The following ST6GAL1 variants were observed in gnomAD, a reference collection of about 807,000 sequenced individuals.
ST6GAL1 encodes beta-galactoside alpha-2,6-sialyltransferase 1.
In ST6GAL1, 20 loss-of-function variants were observed where a neutral mutation model predicts 38.0. The observed-to-expected ratio is 0.53, with a 90% CI of 0.37 to 0.77. The LOEUF (loss-of-function observed/expected upper bound fraction) is 0.77. Ranked by LOEUF, ST6GAL1 falls within the 30% of genes least tolerant of loss-of-function variation. ST6GAL1 has a pLI of 0.00. For missense variants in ST6GAL1, 432 were observed against 496.4 expected, an observed-to-expected ratio of 0.87 and a Z score of 1.23; for synonymous variants, 196 against 188.2, an observed-to-expected ratio of 1.04 and a Z score of -0.34.
intron 2 of ST6GAL1, among the ~76,000 whole-genome samples, chr3:187,037,532 C>T (rs1437290390): frequency 6.6e-6 from 1 of 152,084 alleles, no homozygotes; most frequent in Non-Finnish European, 1.5e-5. Context: ...TTTCCTACAT[C>T]GCATCAAAAG....
chr3:187,042,238 T>A (rs1377756745), intron 3 of ST6GAL1, among the ~76,000 whole-genome samples: 1 of 151,854 alleles, frequency 6.6e-6, no homozygotes, highest in Non-Finnish European at 1.5e-5. Context: ...CAAGCATGCA[T>A]GGCTTCATTT....
At chr3:187,050,447 A>G (rs1718468547) in intron 4 of ST6GAL1, among the ~76,000 whole-genome samples, 1 of 152,178 alleles carries the variant, frequency 6.6e-6, no homozygotes, top group Non-Finnish European at 1.5e-5. Flanking sequence ...ACAAGGAGCT[A>G]GCCCAGGAAG....
intron 2 of ST6GAL1, among the ~76,000 whole-genome samples, chr3:186,998,448 TAGTA>T (rs1457076247): frequency 6.6e-6 from 1 of 152,178 alleles, no homozygotes; most frequent in Non-Finnish European, 1.5e-5. Flanking sequence ...ATTTATTATT[TAGTA>T]AGTGGAAGTG....
intron 2 of ST6GAL1, among the ~76,000 whole-genome samples, chr3:187,016,701 T>C (rs1717128053): frequency 6.6e-6 from 1 of 152,184 alleles, no homozygotes; most frequent in South Asian, 2.1e-4. Context: ...GAAGCAAATG[T>C]GAAAACCCCC....
chr3:187,043,365 T>G, intron 4 of ST6GAL1, 55 bp downstream of exon 4: 1 of 1,565,976 alleles, frequency 6.4e-7, no homozygotes, highest in Non-Finnish European at 8.6e-7. Context: ...TGGCTGGGCA[T>G]ATTGATGGTA....
chr3:186,950,692 A>T (rs532972742), intron 1 of ST6GAL1, among the ~76,000 whole-genome samples: 1 of 152,342 alleles, frequency 6.6e-6, no homozygotes, highest in East Asian at 1.9e-4. Flanking sequence ...CTGACCCTTT[A>T]TGCAGTGCTC....
chr3:187,069,019 G>T (rs552581437), intron 5 of ST6GAL1, among the ~76,000 whole-genome samples: 1 of 152,198 alleles, frequency 6.6e-6, no homozygotes, highest in South Asian at 2.1e-4. Flanking sequence ...AAGTTACAAC[G>T]TTCCCAGTGG....
In ST6GAL1 at chr3:187,043,196, T is replaced by C. The variant is rs747527436; in HGVS notation, c.493T>C (p.Trp165Arg). The change falls in exon 4 of 8, where the codon TGG (tryptophan) becomes CGG (arginine). Residue 165 changes from tryptophan to arginine, a missense_variant. Transcript: ENST00000169298. ...VTDFPFNTSE[W>R]EGYLPKESIR... Reference sequence around the variant, plus strand: ...AGATTTTCCCTTCAATACCTCTGAATGGGAGGGTTATCTGCCCAAGGAGAG... The same window carrying C: ...AGATTTTCCCTTCAATACCTCTGAACGGGAGGGTTATCTGCCCAAGGAGAG... 2 of 1,614,208 alleles carry C rather than the reference T, an allele frequency of 1.2e-6. No homozygotes were observed.
At chr3:187,045,408 A>G (rs1718262116) in intron 4 of ST6GAL1, among the ~76,000 whole-genome samples, 1 of 151,982 alleles carries the variant, frequency 6.6e-6, no homozygotes, top group Non-Finnish European at 1.5e-5. Flanking sequence ...ATTATTTTTG[A>G]TAGTTTACTC....
intron 2 of ST6GAL1, among the ~76,000 whole-genome samples, chr3:186,982,909 T>G (rs540561336): frequency 1.6e-4 from 24 of 147,000 alleles, no homozygotes; most frequent in Non-Finnish European, 3.4e-4. Context: ...CTTGAACTCC[T>G]GACCTCAGGT....
At chr3:186,937,125 C>G (rs1713989291) in intron 1 of ST6GAL1, among the ~76,000 whole-genome samples, 1 of 151,854 alleles carries the variant, frequency 6.6e-6, no homozygotes, top group African/African-American at 2.4e-5. Flanking sequence ...TGGTTGAGAA[C>G]ATACTGTATG....
At chr3:186,945,461 A>C (rs1714325254) in intron 1 of ST6GAL1, among the ~76,000 whole-genome samples, 1 of 152,222 alleles carries the variant, frequency 6.6e-6, no homozygotes. Flanking sequence ...AGGCCTTCTC[A>C]GGAAACCCAC....
intron 2 of ST6GAL1, among the ~76,000 whole-genome samples, chr3:186,980,316 T>C (rs896064888): frequency 2.6e-5 from 4 of 152,176 alleles, no homozygotes; most frequent in African/African-American, 7.2e-5. Flanking sequence ...AAACGCTATA[T>C]TGTGCCTTCC....
At chr3:187,006,211 C>T (rs1224838323) in intron 2 of ST6GAL1, 1 of 152,174 alleles carries the variant, frequency 6.6e-6, no homozygotes, top group Non-Finnish European at 1.5e-5. Flanking sequence ...ATTCCGTCGG[C>T]TCCTTGTAGA....
At chr3:187,037,575 T>C (rs1455495899) in intron 2 of ST6GAL1, among the ~76,000 whole-genome samples, 1 of 152,110 alleles carries the variant, frequency 6.6e-6, no homozygotes, top group Non-Finnish European at 1.5e-5. Flanking sequence ...ATTTATATTT[T>C]TAGCTGTTTT....
At chr3:187,034,059 C>G (rs1304155571) in intron 2 of ST6GAL1, among the ~76,000 whole-genome samples, 2 of 152,006 alleles carry the variant, frequency 1.3e-5, no homozygotes, top group African/African-American at 2.4e-5. Context: ...TAATCACAAC[C>G]AGAAATGACA....
intron 5 of ST6GAL1, among the ~76,000 whole-genome samples, chr3:187,058,167 C>T (rs972449207): frequency 3.9e-5 from 6 of 152,306 alleles, no homozygotes; most frequent in East Asian, 1.9e-4. Flanking sequence ...AGTGTTTGGG[C>T]GGGAGTGTCC....
rs1397017245 is a variant in ST6GAL1, at chr3:186,951,396, G to A, written c.-324-12389G>A. 7.2e-5 allele frequency among the ~76,000 whole-genome samples: 11 copies of A among 152,204 alleles called. 1 individual carries two copies. The stretch of plus-strand genomic sequence containing the variant: ...TGACTCTTAAGGGGACATTGGTGTT[G>A]TAGGCCATGTCGCTTCATTTTGTTG... On this transcript the variant is annotated intron_variant, in intron 1 of 7. Coordinates refer to ENST00000169298, the MANE Select transcript of ST6GAL1 (RefSeq NM_173216.2).
intron 1 of ST6GAL1, among the ~76,000 whole-genome samples, chr3:186,934,852 C>T (rs1009835964): frequency 3.3e-5 from 5 of 151,952 alleles, no homozygotes; most frequent in South Asian, 2.1e-4. Flanking sequence ...CTGCAAGCTC[C>T]GCCTCCCGGG....
Sources: gnomAD v4.1 joint callset for allele counts (sites outside exome capture counted in the v4.1 genomes callset) on GRCh38, gnomAD v4.1.1 for gene constraint, MANE v1.5 for transcripts, NCBI Gene and HGNC (gene_info 2026-07-23, HGNC 2026-07-21) for gene names.